The following NRXN3 variants were observed in gnomAD, a reference collection of about 807,000 sequenced individuals.
NRXN3 encodes the protein neurexin 3.
Under a neutral mutation model 137.6 loss-of-function variants are expected in NRXN3, and 32 were observed. That is an observed-to-expected ratio of 0.23 (90% CI 0.18 to 0.31). NRXN3 has a LOEUF of 0.31. Ranked by LOEUF, NRXN3 falls within the 10% of genes least tolerant of loss-of-function variation. The probability of loss-of-function intolerance (pLI) is 1.00; values close to 1 mark genes in which losing one functional copy is unlikely to be tolerated. For missense variants in NRXN3, 1,574 were observed against 2,062.5 expected, an observed-to-expected ratio of 0.76 and a Z score of 4.59; for synonymous variants, 798 against 784.5, an observed-to-expected ratio of 1.02 and a Z score of -0.29.
At chr14:78,794,295 T>G (rs998613085) in intron 8 of NRXN3, among the ~76,000 whole-genome samples, 1 of 152,158 alleles carries the variant, frequency 6.6e-6, no homozygotes, top group African/African-American at 2.4e-5. Context: ...GGCTCAAGAA[T>G]TGCTTGAACC....
At chr14:79,047,028 C>A (rs1547533) in intron 15 of NRXN3, among the ~76,000 whole-genome samples, 84,884 of 151,550 alleles carry the variant, frequency 0.56, 24,934 homozygotes, top group East Asian at 0.78. Context: ...TGAGTTATTA[C>A]TTGTAAAACA....
chr14:79,581,080 G>A (rs2097711361), intron 16 of NRXN3, among the ~76,000 whole-genome samples: 1 of 152,108 alleles, frequency 6.6e-6, no homozygotes, highest in South Asian at 2.1e-4. Context: ...TCCAGGGAGT[G>A]GGGACTCTGC....
intron 16 of NRXN3, among the ~76,000 whole-genome samples, chr14:79,569,233 A>G (rs2097575792): frequency 6.6e-6 from 1 of 151,858 alleles, no homozygotes; most frequent in African/African-American, 2.4e-5. Flanking sequence ...CCCTGTTGCC[A>G]CTCTACTGAA....
At chr14:78,323,612 C>T (rs1308847131) in intron 4 of NRXN3, among the ~76,000 whole-genome samples, 2 of 152,142 alleles carry the variant, frequency 1.3e-5, no homozygotes, top group African/African-American at 2.4e-5. Context: ...GGGAATAGAT[C>T]GATGGATAGG....
chr14:79,274,124 C>T (rs1225191533), intron 15 of NRXN3, among the ~76,000 whole-genome samples: 1 of 146,946 alleles, frequency 6.8e-6, no homozygotes, highest in Non-Finnish European at 1.5e-5. Context: ...AAAAAAGAGG[C>T]TAAGATCTTG....
At chr14:78,278,150 T>G (rs765957720) in intron 2 of NRXN3, among the ~76,000 whole-genome samples, 4 of 152,224 alleles carry the variant, frequency 2.6e-5, no homozygotes, top group Admixed American at 6.5e-5. Flanking sequence ...TTGCTCTTAA[T>G]TCTTATGCCT....
At chr14:79,692,448 T>C (rs2098720124) in intron 18 of NRXN3, among the ~76,000 whole-genome samples, 186 bp downstream of exon 18, 1 of 152,086 alleles carries the variant, frequency 6.6e-6, no homozygotes, top group African/African-American at 2.4e-5. Flanking sequence ...TACATTGCCA[T>C]TAAAATACAG....
At chr14:78,470,844 T>G (rs2095250378) in intron 4 of NRXN3, among the ~76,000 whole-genome samples, 1 of 152,206 alleles carries the variant, frequency 6.6e-6, no homozygotes, top group African/African-American at 2.4e-5. Context: ...CCTGGGGTAC[T>G]GGACCAGGTA....
chr14:78,863,307 G>A (rs1234611969), intron 10 of NRXN3, among the ~76,000 whole-genome samples: 1 of 152,166 alleles, frequency 6.6e-6, no homozygotes, highest in Non-Finnish European at 1.5e-5. Flanking sequence ...AGGAGCCTAC[G>A]TTTAGAGGTT....
At chr14:79,584,860 G>A (rs1001756448) in intron 16 of NRXN3, among the ~76,000 whole-genome samples, 1 of 152,156 alleles carries the variant, frequency 6.6e-6, no homozygotes, top group South Asian at 2.1e-4. Flanking sequence ...GCAGGAGAGA[G>A]AGAATATGAA....
intron 6 of NRXN3, among the ~76,000 whole-genome samples, chr14:78,655,712 A>C (rs1169840555): frequency 2.0e-5 from 3 of 152,178 alleles, no homozygotes; most frequent in African/African-American, 7.2e-5. Context: ...TGATAACCTC[A>C]TGGAGCTCTG....
intron 1 of NRXN3, among the ~76,000 whole-genome samples, chr14:78,222,195 G>A (rs894674568): frequency 2.0e-5 from 3 of 152,186 alleles, no homozygotes; most frequent in African/African-American, 7.2e-5. Flanking sequence ...AGTCAAATAT[G>A]AACAGTGGGA....
chr14:79,503,747 T>G (rs2096846955), intron 16 of NRXN3, among the ~76,000 whole-genome samples: 1 of 152,178 alleles, frequency 6.6e-6, no homozygotes, highest in African/African-American at 2.4e-5. Context: ...CAGTGTCTCA[T>G]AGACCTTCTG....
intron 1 of NRXN3, chr14:78,231,575 G>T (rs2065402029): frequency 6.6e-6 from 1 of 152,182 alleles, no homozygotes; most frequent in Non-Finnish European, 1.5e-5. Context: ...GAATATGGCT[G>T]TGGTCCTTTT....
At chr14:79,378,907 C>T (rs1167160625) in intron 15 of NRXN3, among the ~76,000 whole-genome samples, 2 of 150,388 alleles carry the variant, frequency 1.3e-5, no homozygotes, top group Non-Finnish European at 3.0e-5. Context: ...AAGAGCTAAG[C>T]TTAAGCCACT....
intron 4 of NRXN3, among the ~76,000 whole-genome samples, chr14:78,450,818 G>A (rs139424319): frequency 5.3e-5 from 8 of 152,232 alleles, no homozygotes; most frequent in East Asian, 3.9e-4. Flanking sequence ...ACATGGTGGC[G>A]CGAGAGGTTA....
intron 8 of NRXN3, among the ~76,000 whole-genome samples, chr14:78,762,209 TGTATCG>T (rs2098694675): frequency 6.6e-6 from 1 of 152,246 alleles, no homozygotes; most frequent in Non-Finnish European, 1.5e-5. Context: ...GAAATCACGA[TGTATCG>T]GTGGTTCCTG....
chr14:79,072,464 C>G (rs922639705), intron 15 of NRXN3: 1 of 152,040 alleles, frequency 6.6e-6, no homozygotes, highest in Non-Finnish European at 1.5e-5. Flanking sequence ...GAGCAGGTTA[C>G]GAACCTCTGA....
chr14:78,404,003 G>A (rs1232578476), intron 4 of NRXN3: 2 of 503,858 alleles, frequency 4.0e-6, no homozygotes, highest in African/African-American at 4.2e-5. Context: ...AAGCTTAAAT[G>A]TGGGGCAGAG....
Sources: allele counts gnomAD v4.1 joint callset (sites outside exome capture counted in the v4.1 genomes callset), GRCh38; gene constraint gnomAD v4.1.1; transcripts MANE v1.5; gene names NCBI Gene and HGNC (gene_info 2026-07-23, HGNC 2026-07-21).